Variants in TSNARE1 observed in about 807,000 individuals in gnomAD.
TSNARE1 encodes t-SNARE domain containing 1, also known as t-SNARE domain-containing protein 1.
Under a neutral mutation model 62.0 loss-of-function variants are expected in TSNARE1, and 49 were observed. That is an observed-to-expected ratio of 0.79 (90% CI 0.63 to 1.00). The LOEUF is 1.00. Among genes scored for constraint, TSNARE1 ranks in the 50% least tolerant of loss-of-function variants. TSNARE1 has a pLI of 0.00. For synonymous variants in TSNARE1, 328 were observed against 294.4 expected, an observed-to-expected ratio of 1.11 and a Z score of -1.17; for missense variants, 755 against 700.1, an observed-to-expected ratio of 1.08 and a Z score of -0.88.
intron 6 of TSNARE1, among the ~76,000 whole-genome samples, 157 bp from the exon 7 acceptor site, chr8:142,318,791 G>C (rs560239207): frequency 7.9e-5 from 12 of 152,128 alleles, no homozygotes; most frequent in African/African-American, 2.9e-4. Flanking sequence ...GACACACAGA[G>C]ACAGAGAAAA....
chr8:142,298,052 C>G (rs896402657), intron 10 of TSNARE1, among the ~76,000 whole-genome samples: 23 of 152,212 alleles, frequency 1.5e-4, no homozygotes, highest in African/African-American at 5.1e-4. Flanking sequence ...CCTGCTACCC[C>G]CCGTCCGCAC....
At chr8:142,239,719 G>A (rs574524128) in intron 12 of TSNARE1, among the ~76,000 whole-genome samples, 50 of 152,294 alleles carry the variant, frequency 3.3e-4, no homozygotes, top group South Asian at 8.3e-4. Flanking sequence ...AGCGAGTCAC[G>A]TTAAATACGT....
intron 11 of TSNARE1, chr8:142,279,917 C>T: frequency 1.9e-6 from 2 of 1,044,932 alleles, no homozygotes; most frequent in Non-Finnish European, 2.3e-6. Flanking sequence ...GAAAAGGTCT[C>T]TGCCACCATG....
chr8:142,270,662 TG>T, intron 12 of TSNARE1: 1 of 985,314 alleles, frequency 1.0e-6, no homozygotes, highest in Non-Finnish European at 1.2e-6. Context: ...AGATCACGCT[TG>T]GGACCTTTTT....
At chr8:142,304,865 G>A (rs532553046) in intron 9 of TSNARE1, among the ~76,000 whole-genome samples, 5 of 152,348 alleles carry the variant, frequency 3.3e-5, no homozygotes, top group African/African-American at 9.6e-5. Flanking sequence ...CCTGGAGAGC[G>A]GCATGACGGT....
At chr8:142,388,119 A>G (rs1299372925) in intron 1 of TSNARE1, among the ~76,000 whole-genome samples, 1 of 152,204 alleles carries the variant, frequency 6.6e-6, no homozygotes, top group Non-Finnish European at 1.5e-5. Flanking sequence ...CTTCGTTTGT[A>G]TAATTCACTA....
intron 12 of TSNARE1, among the ~76,000 whole-genome samples, chr8:142,265,099 G>A (rs1586898361): frequency 6.8e-6 from 1 of 147,556 alleles, no homozygotes; most frequent in East Asian, 2.0e-4. Context: ...TTAGTCTTCA[G>A]TTTCTTATTA....
intron 12 of TSNARE1, among the ~76,000 whole-genome samples, chr8:142,268,080 G>A (rs1253931832): frequency 1.3e-5 from 2 of 152,200 alleles, no homozygotes; most frequent in African/African-American, 4.8e-5. Context: ...GGACCCTCCT[G>A]GTTCTCCTTT....
At chr8:142,351,398 T>C (rs1274857941) in intron 2 of TSNARE1, among the ~76,000 whole-genome samples, 1 of 152,228 alleles carries the variant, frequency 6.6e-6, no homozygotes, top group Non-Finnish European at 1.5e-5. Context: ...AAGTTTTTAC[T>C]TTCTTGAAAT....
chr8:142,320,203 C>T (rs1829272804), intron 6 of TSNARE1, among the ~76,000 whole-genome samples: 1 of 152,208 alleles, frequency 6.6e-6, no homozygotes, highest in African/African-American at 2.4e-5. Context: ...CTGCTAAAGA[C>T]AGTTCAGATC....
At chr8:142,294,485 C>T (rs186958765) in intron 10 of TSNARE1, among the ~76,000 whole-genome samples, 129 of 152,304 alleles carry the variant, frequency 8.5e-4, no homozygotes, top group Admixed American at 3.6e-3. Context: ...TGGGAGGCAC[C>T]GGGCATGGTT....
chr8:142,313,516 T>C (rs997530451), intron 9 of TSNARE1, among the ~76,000 whole-genome samples: 2 of 152,244 alleles, frequency 1.3e-5, no homozygotes, highest in Non-Finnish European at 2.9e-5. Context: ...TGTGTCTACA[T>C]GTCTGTGTTT....
At chr8:142,239,845 G>A (rs1817601969) in intron 12 of TSNARE1, among the ~76,000 whole-genome samples, 1 of 152,322 alleles carries the variant, frequency 6.6e-6, no homozygotes, top group Non-Finnish European at 1.5e-5. Context: ...AACAATGGTG[G>A]ATGGGACCCA....
At chr8:142,341,208 TGA>T (rs1488165603) in intron 4 of TSNARE1, among the ~76,000 whole-genome samples, 1 of 152,170 alleles carries the variant, frequency 6.6e-6, no homozygotes, top group Non-Finnish European at 1.5e-5. Flanking sequence ...CAGTGGGGAC[TGA>T]GAGAGGACAA....
At chr8:142,306,730 A>G (rs769490529) in intron 9 of TSNARE1, among the ~76,000 whole-genome samples, 12 of 152,154 alleles carry the variant, frequency 7.9e-5, no homozygotes, top group African/African-American at 1.2e-4. Flanking sequence ...ATATCATCTC[A>G]TCATTTATAG....
Position 142,345,772 on chromosome 8 carries a change from G to A in TSNARE1, c.209C>T (p.Thr70Met), listed in dbSNP as rs370961209. Residue 70 changes from threonine (T) to methionine (M), a missense_variant, in exon 3 of 14, where the codon ACG (threonine) becomes ATG (methionine). Physicochemically the swap from Thr to Met is moderately conservative, Grantham distance 81. Transcript: ENST00000524325. The part of the protein sequence containing the change: ...DGEGDLGPAG[T>M]PIVPRARKRG... The stretch of plus-strand genomic sequence containing the variant: ...CTTCCTGGCCCTTGGGACAATAGGC[G>A]TGCCTGCTGGCCCCAGATCACCTTC... The A allele has an allele frequency of 1.5e-5, 25 of 1,612,996 alleles. No homozygotes were observed. In the Admixed American group the frequency reaches 1.8e-4, roughly 12 times the overall value.
chr8:142,282,353 G>A (rs934441407), intron 11 of TSNARE1, among the ~76,000 whole-genome samples: 6 of 152,282 alleles, frequency 3.9e-5, no homozygotes, highest in South Asian at 2.1e-4. Flanking sequence ...AGGCGTGGAG[G>A]CTAGTATCTG....
intron 2 of TSNARE1, among the ~76,000 whole-genome samples, chr8:142,352,638 G>A (rs1295353933): frequency 6.6e-6 from 1 of 152,270 alleles, no homozygotes; most frequent in Non-Finnish European, 1.5e-5. Context: ...CAACGTGGAG[G>A]CTCTCAGAAC....
chr8:142,398,980 G>T (rs562509669), intron 1 of TSNARE1, among the ~76,000 whole-genome samples: 1 of 152,170 alleles, frequency 6.6e-6, no homozygotes, highest in Non-Finnish European at 1.5e-5. Context: ...TCATAGCCTG[G>T]ATAAGGCCAG....
Sources: allele counts gnomAD v4.1 joint callset (sites outside exome capture counted in the v4.1 genomes callset), GRCh38; gene constraint gnomAD v4.1.1; transcripts MANE v1.5; gene names NCBI Gene and HGNC (gene_info 2026-07-23, HGNC 2026-07-21).